The following FAT3 variants were observed in gnomAD, a reference collection of about 807,000 sequenced individuals.
FAT3 encodes protocadherin Fat 3.
Under a neutral mutation model 310.2 loss-of-function variants are expected in FAT3, and 95 were observed. The ratio of observed to expected loss-of-function variants is 0.31; its 90% CI spans 0.26 to 0.36. FAT3 has a LOEUF of 0.36. Ranked by LOEUF, FAT3 falls within the 10% of genes least tolerant of loss-of-function variation. The pLI, the probability that FAT3 is intolerant of heterozygous loss-of-function variation, is 1.00. For missense variants in FAT3, 5,408 were observed against 5,715.6 expected (o/e 0.95, Z 1.74); for synonymous variants, 2,314 against 2,192.9 (o/e 1.06, Z -1.54).
At chr11:92,552,959 A>T (rs983277426) in intron 3 of FAT3, among the ~76,000 whole-genome samples, 4 of 146,670 alleles carry the variant, frequency 2.7e-5, no homozygotes, top group Non-Finnish European at 6.0e-5. Context: ...AACAAAAAAA[A>T]ATAAAAGAAA....
At chr11:92,291,080 T>TACACACAAAC (rs1946676765) in intron 1 of FAT3, among the ~76,000 whole-genome samples, 2 of 142,888 alleles carry the variant, frequency 1.4e-5, no homozygotes, top group South Asian at 4.6e-4. Flanking sequence ...CTTTTTATTC[T>TACACACAAAC]ACACACACAC....
rs994485060 is a variant in FAT3, at chr11:92,677,363, G to A, written c.3608-20021G>A. Reference sequence around the variant, plus strand: ...GCCCGGAGGAGCAGAGAGTTGCTCTGATAGTCTCATTTGCAAGAGGCTAAA... The same window carrying A: ...GCCCGGAGGAGCAGAGAGTTGCTCTAATAGTCTCATTTGCAAGAGGCTAAA... On this transcript the variant is annotated intron_variant, in intron 3 of 27. Coordinates refer to ENST00000525166, the MANE Select transcript of FAT3 (RefSeq NM_001367949.2). 1.2e-4 allele frequency among the ~76,000 whole-genome samples: 18 copies of A among 152,354 alleles called. No individual in the cohort carries two copies. The South Asian group carries it at 3.5e-3, about 30-fold the overall frequency.
Position 92,288,050 on chromosome 11 carries a change from T to C in FAT3, c.-18+62876T>C, listed in dbSNP as rs529206597. Among the ~76,000 whole-genome samples the C allele has an allele frequency of 1.8e-4, 28 of 152,092 alleles. 1 individual carries two copies. The highest frequency in any genetic ancestry group is 6.0e-4 in the African/African-American group (25 of 41,492). On this transcript the variant is annotated intron_variant, in intron 1 of 27. Coordinates refer to ENST00000525166, the MANE Select transcript of FAT3 (RefSeq NM_001367949.2). ...AAGTACCTTTGGGAAATAAGATAAA[T>C]TGTGCAGTTGAAAAAGGTTAAGGCG...
intron 4 of FAT3, among the ~76,000 whole-genome samples, chr11:92,747,700 C>T: frequency 6.6e-6 from 1 of 152,200 alleles, no homozygotes; most frequent in Non-Finnish European, 1.5e-5. Context: ...TTAGAAATTT[C>T]TTCTTCCAGA....
intron 4 of FAT3, among the ~76,000 whole-genome samples, chr11:92,712,133 C>G (rs1474499114): frequency 6.6e-6 from 1 of 152,160 alleles, no homozygotes; most frequent in Non-Finnish European, 1.5e-5. Flanking sequence ...CCAAACCAAA[C>G]TGTAGCTGAG....
intron 13 of FAT3, among the ~76,000 whole-genome samples, chr11:92,825,266 C>T (rs1948073739): frequency 6.6e-6 from 1 of 152,116 alleles, no homozygotes; most frequent in South Asian, 2.1e-4. Flanking sequence ...ATTCATTGCT[C>T]TCTATGTGCC....
rs144604636 is a variant in FAT3 at position 92,666,208 on chromosome 11, C to T, written c.3608-31176C>T. Among the ~76,000 whole-genome samples, 1,199 of 152,166 alleles carry T rather than the reference C, an allele frequency of 7.9e-3. 24 individuals carry two copies. The highest frequency in any genetic ancestry group is 0.028 in the African/African-American group (1,149 of 41,514). On this transcript the variant is annotated intron_variant, in intron 3 of 27. Transcript: ENST00000525166. ...AGTAGTAAAAGTAGTAAACTAGGAA[C>T]ATCAAGCTTGAGAGGAGTCAAGATA...
At chr11:92,813,983 GC>G (rs1377324850) in intron 13 of FAT3, among the ~76,000 whole-genome samples, 3 of 152,146 alleles carry the variant, frequency 2.0e-5, no homozygotes, top group Admixed American at 1.3e-4. Flanking sequence ...GCTCTTCAGT[GC>G]CCTTATAAAA....
chr11:92,387,039 C>A (rs1949640054), intron 2 of FAT3, among the ~76,000 whole-genome samples: 1 of 149,486 alleles, frequency 6.7e-6, no homozygotes, highest in Admixed American at 6.7e-5. Context: ...TATGAGCCAG[C>A]AATGCCCAAG....
At chr11:92,741,063 C>G (rs2136026108) in intron 4 of FAT3, among the ~76,000 whole-genome samples, 1 of 152,184 alleles carries the variant, frequency 6.6e-6, no homozygotes, top group South Asian at 2.1e-4. Flanking sequence ...TTTTTTGAGA[C>G]AGAGTCTCAC....
chr11:92,338,465 T>G (rs1250028989), intron 1 of FAT3, among the ~76,000 whole-genome samples: 2 of 152,128 alleles, frequency 1.3e-5, no homozygotes, highest in Non-Finnish European at 2.9e-5. Flanking sequence ...TGTGCTTGAT[T>G]TCACAATGCG....
In FAT3 at chr11:92,267,843, C is replaced by T. The variant is rs149049551; in HGVS notation, c.-18+42669C>T. Among the ~76,000 whole-genome samples the T allele has an allele frequency of 4.3e-4, 66 of 152,176 alleles. No homozygotes were observed. The South Asian group carries it at 8.9e-3, about 21-fold the overall frequency. On this transcript the variant is annotated intron_variant, in intron 1 of 27. Transcript: ENST00000525166. ...TCTGTGAAAATCCTTTATGGAACTG[C>T]GTAAGGCTGTGTCCTTTGCAGGATG...
intron 3 of FAT3, among the ~76,000 whole-genome samples, chr11:92,564,814 A>C (rs1034306555): frequency 7.5e-5 from 11 of 146,004 alleles, no homozygotes; most frequent in African/African-American, 2.8e-4. Context: ...TGAAGGCAGA[A>C]ATAAAGATGT....
At chr11:92,758,790 G>T (rs1299239628) in intron 4 of FAT3, among the ~76,000 whole-genome samples, 2 of 152,134 alleles carry the variant, frequency 1.3e-5, no homozygotes, top group Admixed American at 1.3e-4. Flanking sequence ...TGGGGTGAGG[G>T]GTGTGTGTGA....
Position 92,352,879 on chromosome 11 carries a change from T to G in FAT3, c.767T>G (p.Ile256Ser). The part of the protein sequence containing the change: ...VSSTAKLYVH[I>S]ERINEHAPTI... ...AGTACTGCAAAGCTTTATGTTCACATTGAGCGCATAAATGAACATGCCCCA... is the reference window on the plus strand; with the variant it reads ...AGTACTGCAAAGCTTTATGTTCACAGTGAGCGCATAAATGAACATGCCCCA... The change falls in exon 2 of 28, where the codon ATT becomes AGT. Residue 256 changes from isoleucine to serine, a missense_variant. Coordinates refer to ENST00000525166, the MANE Select transcript of FAT3 (RefSeq NM_001367949.2). 6.2e-7 allele frequency: 1 copy of G among 1,613,868 alleles called. No individual in the cohort carries two copies. Among genetic ancestry groups the G allele is most frequent in the Non-Finnish European group, 8.5e-7 (1 of 1,179,858 alleles).
chr11:92,444,995 G>C (rs1460321221), intron 2 of FAT3, among the ~76,000 whole-genome samples: 1 of 152,126 alleles, frequency 6.6e-6, no homozygotes, highest in African/African-American at 2.4e-5. Context: ...TCTTTAAAGA[G>C]CAAATTAAAT....
chr11:92,405,254 G>A (rs1298949570), intron 2 of FAT3, among the ~76,000 whole-genome samples: 1 of 152,114 alleles, frequency 6.6e-6, no homozygotes, highest in East Asian at 1.9e-4. Flanking sequence ...TACTTTTCCA[G>A]TGCCTTCTCA....
chr11:92,469,841 AT>A (rs1353558448), intron 2 of FAT3, among the ~76,000 whole-genome samples: 2 of 151,848 alleles, frequency 1.3e-5, no homozygotes, highest in East Asian at 3.9e-4. Flanking sequence ...AAGATAAAAA[AT>A]ATACACTAAA....
chr11:92,369,937 T>C (rs1949140292), intron 2 of FAT3, among the ~76,000 whole-genome samples: 2 of 152,164 alleles, frequency 1.3e-5, no homozygotes, highest in South Asian at 2.1e-4. Context: ...GTTGAAAGAA[T>C]TGCATTTTTT....
Sources: allele counts gnomAD v4.1 joint callset (sites outside exome capture counted in the v4.1 genomes callset), GRCh38; gene constraint gnomAD v4.1.1; transcripts MANE v1.5; gene names NCBI Gene and HGNC (gene_info 2026-07-23, HGNC 2026-07-21).